Variants in F2RL1 observed in about 807,000 individuals in gnomAD.
F2RL1 encodes the protein proteinase-activated receptor 2.
A neutral mutation model predicts 21.7 loss-of-function variants in F2RL1; 16 were observed. The ratio of observed to expected loss-of-function variants is 0.74; its 90% CI spans 0.50 to 1.12. The LOEUF (loss-of-function observed/expected upper bound fraction) is 1.12, where lower values mean the gene tolerates loss of function less well. Among genes scored for constraint, F2RL1 ranks in the 50% most tolerant of loss-of-function variants. The pLI, the probability that F2RL1 is intolerant of heterozygous loss-of-function variation, is 0.00. For synonymous variants in F2RL1, 181 were observed against 186.7 expected, an observed-to-expected ratio of 0.97 and a Z score of 0.25; for missense variants, 432 against 477.8, an observed-to-expected ratio of 0.90 and a Z score of 0.89.
intron 1 of F2RL1, among the ~76,000 whole-genome samples, chr5:76,822,478 A>G (rs1750156766): frequency 6.6e-6 from 1 of 152,178 alleles, no homozygotes; most frequent in African/African-American, 2.4e-5. Context: ...TCAGCCTCCC[A>G]AAGTGCTGGG....
Position 76,834,145 on chromosome 5 carries a change from A to ATATG in F2RL1, c.*347_*348insGTAT, listed in dbSNP as rs566827130. 4.6e-5 allele frequency: 8 copies of ATATG among 172,656 alleles called. No homozygotes were observed. The South Asian group carries it at 1.4e-3, about 30-fold the overall frequency. The allele number at this position is 172,656 out of a possible 1,614,324, so 10.7% of individuals were successfully genotyped here. On this transcript the variant is annotated 3_prime_UTR_variant, in exon 2 of 2. Coordinates refer to ENST00000296677, the MANE Select transcript of F2RL1 (RefSeq NM_005242.6). The stretch of plus-strand genomic sequence containing the variant: ...GCTGAAATTATATATATACACATAT[A>ATATG]TATATTTTACATCTGGGATCATGAT...
intron 1 of F2RL1, among the ~76,000 whole-genome samples, chr5:76,831,229 C>A (rs1208500112): frequency 6.6e-6 from 1 of 152,090 alleles, no homozygotes; most frequent in African/African-American, 2.4e-5. Context: ...AGACGGTTTC[C>A]CTGCCAGTTG....
chr5:76,829,051 G>T (rs2243079), intron 1 of F2RL1, among the ~76,000 whole-genome samples: 14 of 151,966 alleles, frequency 9.2e-5, no homozygotes, highest in Non-Finnish European at 4.4e-5. Context: ...GGGAGACGGA[G>T]GTTGCAGTGA....
Position 76,819,277 on chromosome 5 carries a change from G to T in F2RL1, c.82+13G>T, listed in dbSNP as rs186931650. ...GGCACCATCCAAGGTGAGAAACCTGGCCAAGGAGGGCTCTTATCTCTGAGG... is the reference window on the plus strand; with the variant it reads ...GGCACCATCCAAGGTGAGAAACCTGTCCAAGGAGGGCTCTTATCTCTGAGG... On this transcript the variant is annotated intron_variant, in intron 1 of 1. Coordinates refer to ENST00000296677, the MANE Select transcript of F2RL1 (RefSeq NM_005242.6). 2 of 1,581,866 alleles carry T rather than the reference G, an allele frequency of 1.3e-6. No individual in the cohort carries two copies. The highest frequency in any genetic ancestry group is 1.7e-6 in the Non-Finnish European group (2 of 1,172,824).
chr5:76,832,951 C>T lies in F2RL1; in HGVS notation c.344C>T (p.Ala115Val). 1 of 1,614,210 alleles carries T rather than the reference C, an allele frequency of 6.2e-7. No individual in the cohort carries two copies. The highest frequency in any genetic ancestry group is 1.1e-5 in the South Asian group (1 of 91,090). ...KKKHPAVIYM[A>V]NLALADLLSV... ...AAGCACCCTGCTGTGATTTACATGG[C>T]CAATCTGGCCTTGGCTGACCTCCTC... The change falls in exon 2 of 2, where the codon GCC becomes GTC. Residue 115 changes from alanine to valine, a missense_variant. Coordinates refer to ENST00000296677, the MANE Select transcript of F2RL1 (RefSeq NM_005242.6).
chr5:76,821,754 A>G (rs1018451594), intron 1 of F2RL1, among the ~76,000 whole-genome samples: 7 of 151,066 alleles, frequency 4.6e-5, no homozygotes, highest in African/African-American at 1.7e-4. Context: ...TAATTTTTGT[A>G]TTTTTAGTAG....
At chr5:76,826,633 G>C (rs549985950) in intron 1 of F2RL1, among the ~76,000 whole-genome samples, 1 of 151,608 alleles carries the variant, frequency 6.6e-6, no homozygotes, top group African/African-American at 2.4e-5. Context: ...AGCCTCCTGA[G>C]TAGTTGGGAC....
chr5:76,819,924 C>T (rs955915451), intron 1 of F2RL1, among the ~76,000 whole-genome samples: 2 of 152,174 alleles, frequency 1.3e-5, no homozygotes, highest in Admixed American at 6.5e-5. Context: ...AGGGCCGGTC[C>T]CTGATGGGTT....
In F2RL1 at chr5:76,833,079, A is replaced by T. The variant is rs1231225359; in HGVS notation, c.472A>T (p.Asn158Tyr). ...TGTGCTTATTGGCTTTTTCTATGGC[A>T]ACATGTACTGTTCCATTCTCTTCAT... ...CNVLIGFFYGNMYCSILFMTC... is the reference protein window; with the variant it reads ...CNVLIGFFYGYMYCSILFMTC... Residue 158 changes from asparagine (N) to tyrosine (Y), a missense_variant, in exon 2 of 2, where the codon AAC becomes TAC. By Grantham distance (143) the Asn-to-Tyr change is moderately radical. Coordinates refer to ENST00000296677, the MANE Select transcript of F2RL1 (RefSeq NM_005242.6). The T allele has an allele frequency of 6.2e-7, 1 of 1,614,158 alleles. No individual in the cohort carries two copies. The highest frequency in any genetic ancestry group is 1.1e-5 in the South Asian group (1 of 91,076).
chr5:76,820,411 A>G (rs372648375), intron 1 of F2RL1, among the ~76,000 whole-genome samples: 4 of 152,146 alleles, frequency 2.6e-5, no homozygotes, highest in African/African-American at 9.7e-5. Context: ...GTGGGTTGGA[A>G]TTAGATGGAA....
Position 76,832,829 on chromosome 5 carries a change from C to T in F2RL1, c.222C>T (p.Thr74=). The part of the protein sequence containing the change: ...FSASVLTGKL[T]TVFLPIVYTI... ...CATCTGTCCTCACTGGAAAACTGAC[C>T]ACTGTCTTCCTTCCAATTGTCTACA... Residue 74 remains threonine, a synonymous_variant, in exon 2 of 2, where the codon ACC becomes ACT. Coordinates refer to ENST00000296677, the MANE Select transcript of F2RL1 (RefSeq NM_005242.6). The T allele has an allele frequency of 6.2e-7, 1 of 1,614,134 alleles. No homozygotes were observed. The highest frequency in any genetic ancestry group is 8.5e-7 in the Non-Finnish European group (1 of 1,180,022).
chr5:76,831,773 C>T (rs971843193), intron 1 of F2RL1, among the ~76,000 whole-genome samples: 37 of 152,170 alleles, frequency 2.4e-4, no homozygotes, highest in African/African-American at 7.9e-4. Flanking sequence ...GGTGATCCAC[C>T]TGCCTTAGCC....
rs1309304231 is a variant in F2RL1 at position 76,833,723 on chromosome 5, A to G, written c.1116A>G (p.Val372=). Residue 372 remains valine, a synonymous_variant, in exon 2 of 2, where the codon GTA becomes GTG. Coordinates refer to ENST00000296677, the MANE Select transcript of F2RL1 (RefSeq NM_005242.6). ...RSVRTVKQMQ[V]SLTSKKHSRK... is the part of the protein sequence containing the mutation. Reference sequence around the variant, plus strand: ...TCCGCACTGTAAAGCAGATGCAAGTATCCCTCACCTCAAAGAAACACTCCA... The same window carrying G: ...TCCGCACTGTAAAGCAGATGCAAGTGTCCCTCACCTCAAAGAAACACTCCA... The G allele has an allele frequency of 6.2e-7, 1 of 1,613,948 alleles. No homozygotes were observed. The highest frequency in any genetic ancestry group is 8.5e-7 in the Non-Finnish European group (1 of 1,180,026).
intron 1 of F2RL1, among the ~76,000 whole-genome samples, chr5:76,824,509 A>G (rs1041884844): frequency 5.3e-5 from 8 of 151,934 alleles, no homozygotes; most frequent in African/African-American, 1.9e-4. Flanking sequence ...TTGTATTTTT[A>G]GTAGAGACGG....
chr5:76,829,376 G>T (rs921132551), intron 1 of F2RL1, among the ~76,000 whole-genome samples: 1 of 151,806 alleles, frequency 6.6e-6, no homozygotes, highest in African/African-American at 2.4e-5. Context: ...GGTATTGAAG[G>T]CATGAGGCAC....
intron 1 of F2RL1, among the ~76,000 whole-genome samples, chr5:76,820,625 G>C (rs1750116368): frequency 6.6e-6 from 1 of 152,154 alleles, no homozygotes; most frequent in Non-Finnish European, 1.5e-5. Context: ...GCAAAGGTTA[G>C]TATGTGCAAA....
At chr5:76,830,699 TCA>T (rs1037936431) in intron 1 of F2RL1, among the ~76,000 whole-genome samples, 5 of 152,210 alleles carry the variant, frequency 3.3e-5, no homozygotes, top group African/African-American at 9.7e-5. Flanking sequence ...TAAATAATGT[TCA>T]CAGAGTCTGG....
intron 1 of F2RL1, among the ~76,000 whole-genome samples, chr5:76,827,347 AAAT>A (rs1750260599): frequency 7.1e-6 from 1 of 141,470 alleles, no homozygotes; most frequent in Admixed American, 6.9e-5. Context: ...AAAAAAAAAA[AAAT>A]TAGCCAGGCG....
At chr5:76,827,956 CTTTTA>C (rs905280040) in intron 1 of F2RL1, among the ~76,000 whole-genome samples, 15 of 152,122 alleles carry the variant, frequency 9.9e-5, no homozygotes, top group South Asian at 8.3e-4. Flanking sequence ...ATAACTGTAC[CTTTTA>C]TTTTATTTTA....
Sources: gnomAD v4.1 joint callset for allele counts (sites outside exome capture counted in the v4.1 genomes callset) on GRCh38, gnomAD v4.1.1 for gene constraint, MANE v1.5 for transcripts, NCBI Gene and HGNC (gene_info 2026-07-23, HGNC 2026-07-21) for gene names.